PDE4DIP: variants seen among roughly 807,000 people sequenced by gnomAD.
PDE4DIP encodes the protein myomegalin.
PDE4DIP carries 59 observed loss-of-function variants against 221.4 expected under a neutral mutation model. The observed-to-expected ratio is 0.27, with a 90% CI of 0.22 to 0.33. The LOEUF (loss-of-function observed/expected upper bound fraction) is 0.33. Among genes scored for constraint, PDE4DIP ranks in the 10% least tolerant of loss-of-function variants. The probability of loss-of-function intolerance (pLI) is 1.00; values close to 1 mark genes in which losing one functional copy is unlikely to be tolerated. For synonymous variants in PDE4DIP, 404 were observed against 815.9 expected (o/e 0.50, Z 8.60); for missense variants, 1,036 against 2,154.2 (o/e 0.48, Z 10.28).
chr1:149,027,146 TATTTC>T (rs1332044902), intron 39 of PDE4DIP, among the ~76,000 whole-genome samples: 1 of 140,978 alleles, frequency 7.1e-6, no homozygotes, highest in African/African-American at 2.6e-5. Context: ...TGATTCATCC[TATTTC>T]ATTTGCCAAT....
In PDE4DIP at chr1:149,032,131, C is replaced by T. The variant is rs782418420; in HGVS notation, c.*146C>T. 4.0e-6 allele frequency: 6 copies of T among 1,500,890 alleles called. No homozygotes were observed. In the African/African-American group the frequency reaches 8.3e-5, roughly 21 times the overall value. 93.0% of individuals were successfully genotyped at this position (1,500,890 alleles called of 1,614,324 possible). A position where few individuals can be genotyped will look rare whatever the true frequency, so the allele number is the denominator to read the frequency against. ...ATTCCTCCAAGTCCACGGGAGGGTC[C>T]AGAAGAGGGAGTCAGAGATGTATCC... On this transcript the variant is annotated 3_prime_UTR_variant, in exon 44 of 44. Coordinates refer to ENST00000369354, the Ensembl canonical transcript of PDE4DIP.
chr1:148,881,571 A>ATTT (rs3978552), intron 3 of PDE4DIP, among the ~76,000 whole-genome samples: 24 of 117,940 alleles, frequency 2.0e-4, no homozygotes, highest in African/African-American at 6.1e-4. Flanking sequence ...GAAGAAAACA[A>ATTT]TTTTTTTTTT....
At chr1:148,952,417 G>C in intron 5 of PDE4DIP, 2 of 1,085,964 alleles carry the variant, frequency 1.8e-6, no homozygotes, top group Non-Finnish European at 2.2e-6. Flanking sequence ...GCCGGCCGCT[G>C]CTGCTCCGGG....
chr1:148,953,817 A>G (rs1449740504), intron 5 of PDE4DIP: 2 of 1,477,322 alleles, frequency 1.4e-6, no homozygotes, highest in Non-Finnish European at 1.9e-6. Context: ...CCCCTTTACA[A>G]GACACCTGTG....
At chr1:148,933,241 CAGA>C (rs2048467469) in intron 4 of PDE4DIP, among the ~76,000 whole-genome samples, 1 of 151,600 alleles carries the variant, frequency 6.6e-6, no homozygotes, top group African/African-American at 2.4e-5. Context: ...ATATTCTATG[CAGA>C]AGGAGAAACT....
chr1:148,985,689 C>T (rs1320193450), intron 21 of PDE4DIP: 1 of 152,196 alleles, frequency 6.6e-6, no homozygotes, highest in Non-Finnish European at 1.5e-5. Flanking sequence ...AAGTGATATA[C>T]TGATTATTTT....
At chr1:148,941,869 A>G (rs1368067218) in intron 5 of PDE4DIP, 4 of 150,292 alleles carry the variant, frequency 2.7e-5, no homozygotes, top group South Asian at 4.4e-4. Context: ...AAAGACCCTT[A>G]CAATGTGGAA....
chr1:148,936,548 G>T (rs2049214824), intron 4 of PDE4DIP, among the ~76,000 whole-genome samples: 1 of 151,536 alleles, frequency 6.6e-6, no homozygotes, highest in Non-Finnish European at 1.5e-5. Flanking sequence ...TTAGGGCACT[G>T]ACCATAAATG....
At chr1:148,963,351 G>A (rs1218680869) in intron 9 of PDE4DIP, among the ~76,000 whole-genome samples, 2 of 152,180 alleles carry the variant, frequency 1.3e-5, no homozygotes, top group Non-Finnish European at 1.5e-5. Context: ...TGGGTAAGGG[G>A]CGACTGCCGT....
At chr1:148,948,843 C>T (rs1553485442) in intron 5 of PDE4DIP, among the ~76,000 whole-genome samples, 1 of 152,042 alleles carries the variant, frequency 6.6e-6, no homozygotes, top group African/African-American at 2.4e-5. Context: ...CTCACCCTGT[C>T]TCTCACCGTT....
At chr1:148,962,513 A>T in exon 9 of PDE4DIP, 1 of 692,132 alleles carries the variant, frequency 1.4e-6, no homozygotes, top group Non-Finnish European at 2.5e-6. Context: ...CTTGAAATAC[A>T]GAAGCTCCAG....
chr1:148,820,541 T>C (rs1349926151), intron 1 of PDE4DIP, among the ~76,000 whole-genome samples: 1 of 117,694 alleles, frequency 8.5e-6, no homozygotes, highest in African/African-American at 3.3e-5. Flanking sequence ...CACTCCAGCC[T>C]GGAAACTCCA....
At chr1:148,977,961 A>G (rs782627354) in exon 18 of PDE4DIP, 6 of 1,614,170 alleles carry the variant, frequency 3.7e-6, no homozygotes, top group East Asian at 2.2e-5. Flanking sequence ...TCTACAGTCC[A>G]TGATGGCTGT....
At chr1:148,952,406 G>T in intron 5 of PDE4DIP, 2 of 1,083,148 alleles carry the variant, frequency 1.8e-6, no homozygotes, top group East Asian at 5.0e-5. Context: ...GCGTCTGCGC[G>T]GCCGGCCGCT....
rs1418122665 is a variant in PDE4DIP at position 149,013,781 on chromosome 1, C to CTAT, written c.5266+1006_5266+1007insATT. ...CCAGCATATTTCTTTCCTTCTTCCT[C>CTAT]TTTTTTTTTTTTTTTTTTTTTTTTG... On this transcript the variant is annotated intron_variant, in intron 32 of 43. Coordinates refer to ENST00000369354, the Ensembl canonical transcript of PDE4DIP. 5.9e-3 allele frequency among the ~76,000 whole-genome samples: 190 copies of CTAT among 31,940 alleles called. 12 individuals are homozygous for CTAT. The highest frequency in any genetic ancestry group is 0.029 in the African/African-American group (185 of 6,412). 21.0% of individuals were successfully genotyped at this position (31,940 alleles called of 152,430 possible). A position where few individuals can be genotyped will look rare whatever the true frequency, so the allele number is the denominator to read the frequency against.
chr1:148,901,483 A>G (rs587602430), intron 1 of PDE4DIP, among the ~76,000 whole-genome samples: 9 of 77,146 alleles, frequency 1.2e-4, no homozygotes, highest in Non-Finnish European at 1.8e-4. Context: ...TGTTATTTAG[A>G]AACTTGGCTT....
chr1:149,032,429 C>T (rs1480742277), exon 44 of PDE4DIP: 1 of 439,704 alleles, frequency 2.3e-6, no homozygotes, highest in African/African-American at 2.0e-5. Flanking sequence ...CTGGCAGGTT[C>T]TAAAAGCACA....
chr1:148,978,571 G>A (rs1242616276), intron 19 of PDE4DIP, among the ~76,000 whole-genome samples, 156 bp downstream of exon 22: 1 of 151,406 alleles, frequency 6.6e-6, no homozygotes, highest in Admixed American at 6.6e-5. Flanking sequence ...CAAAGTGCTG[G>A]AATTACATAC....
intron 6 of PDE4DIP, among the ~76,000 whole-genome samples, 187 bp downstream of exon 9, chr1:148,960,972 G>C (rs1778126): frequency 6.6e-6 from 1 of 152,180 alleles, no homozygotes; most frequent in African/African-American, 2.4e-5. Context: ...AGCTTGTTCT[G>C]TACAGATCAT....
Sources: gnomAD v4.1 joint callset for allele counts (sites outside exome capture counted in the v4.1 genomes callset) on GRCh38, gnomAD v4.1.1 for gene constraint, MANE v1.5 for transcripts, NCBI Gene and HGNC (gene_info 2026-07-23, HGNC 2026-07-21) for gene names.